IMPG1: variants seen among roughly 807,000 people sequenced by gnomAD.
The protein encoded by IMPG1 is interphotoreceptor matrix proteoglycan of 150 kDa.
IMPG1 carries 85 observed loss-of-function variants against 92.0 expected under a neutral mutation model. The ratio of observed to expected loss-of-function variants is 0.92; its 90% CI spans 0.78 to 1.11. The LOEUF is 1.11. Among genes scored for constraint, IMPG1 ranks in the 50% least tolerant of loss-of-function variants. The probability of loss-of-function intolerance (pLI) is 0.00; values close to 1 mark genes in which losing one functional copy is unlikely to be tolerated. For missense variants in IMPG1, 1,022 were observed against 956.0 expected, an observed-to-expected ratio of 1.07 and a Z score of -0.91; for synonymous variants, 367 against 334.1, an observed-to-expected ratio of 1.10 and a Z score of -1.08.
chr6:76,072,480 C>T lies in IMPG1; in HGVS notation c.9G>A (p.Leu3=). 6.3e-7 allele frequency: 1 copy of T among 1,590,322 alleles called. No homozygotes were observed. The part of the protein sequence containing the change: MY[L]ETRRAIFVFW... ...AAACAAAAATAGCTCTTCTAGTTTC[C>T]AAATACATTCTGGCTTTTGTGCATT... is the stretch of plus-strand genomic sequence containing the variant. The change falls in exon 1 of 17, where the codon TTG becomes TTA. Residue 3 remains leucine (L), a synonymous_variant. Coordinates refer to ENST00000369950, the MANE Select transcript of IMPG1 (RefSeq NM_001563.4).
At chr6:76,005,221 G>C in intron 10 of IMPG1, 66 bp downstream of exon 10, 1 of 1,498,864 alleles carries the variant, frequency 6.7e-7, no homozygotes, top group South Asian at 1.2e-5. Context: ...GTTTCCATGA[G>C]ACATTCACAT....
intron 14 of IMPG1, among the ~76,000 whole-genome samples, chr6:75,947,096 T>C (rs879197880): frequency 1.3e-5 from 2 of 152,248 alleles, no homozygotes; most frequent in Admixed American, 1.3e-4. Flanking sequence ...AGAGGTGTGC[T>C]TGTTCATTGC....
At position 76,042,051 on chromosome 6, in the gene IMPG1, G is replaced by A; in HGVS notation, c.143C>T (p.Thr48Ile). The A allele has an allele frequency of 6.2e-7, 1 of 1,611,740 alleles. No homozygotes were observed. Among genetic ancestry groups the A allele is most frequent in the Non-Finnish European group, 8.5e-7 (1 of 1,177,930 alleles). The change falls in exon 2 of 17, where the codon ACT becomes ATT. Residue 48 changes from threonine (T) to isoleucine (I), a missense_variant. Physicochemically the swap from Thr to Ile is moderately conservative, Grantham distance 89. Coordinates refer to ENST00000369950, the MANE Select transcript of IMPG1 (RefSeq NM_001563.4). ...AGTTGACATTTTGTACATTTTTTCA[G>A]TACTTTCAGTTGTTTCATTTCTTGG... ...NPPRNETTES[T>I]EKMYKMSTMR...
intron 15 of IMPG1, among the ~76,000 whole-genome samples, chr6:75,925,141 ATGTT>A (rs1292474006): frequency 2.6e-5 from 4 of 152,042 alleles, no homozygotes; most frequent in Admixed American, 6.6e-5. Context: ...GAAAAGATAA[ATGTT>A]TGAGATGATG....
chr6:75,974,451 T>TCCTTCCTTCCTC lies in IMPG1; in HGVS notation c.1292-23358_1292-23357insGAGGAAGGAAGG, dbSNP rs1224036118. On this transcript the variant is annotated intron_variant, in intron 12 of 16. Transcript: ENST00000369950. ...TTGCTTCCTTCCTTCCTTCCTTCCTTCTTTCTTCTTTCTTTCTTTCTTTTT... is the reference window on the plus strand; with the variant it reads ...TTGCTTCCTTCCTTCCTTCCTTCCTTCCTTCCTTCCTCCTTTCTTCTTTCTTTCTTTCTTTTT... 1.1e-3 allele frequency among the ~76,000 whole-genome samples: 148 copies of TCCTTCCTTCCTC among 133,132 alleles called. 2 individuals are homozygous for TCCTTCCTTCCTC. The highest frequency in any genetic ancestry group is 2.9e-3 in the South Asian group (11 of 3,840). 87.3% of individuals were successfully genotyped at this position (133,132 alleles called of 152,430 possible).
chr6:75,965,543 G>T, intron 12 of IMPG1, among the ~76,000 whole-genome samples: 1 of 147,070 alleles, frequency 6.8e-6, no homozygotes, highest in East Asian at 2.0e-4. Context: ...CTTATCTTTT[G>T]CTCATTTTCT....
chr6:76,041,822 C>A (rs1252465050), intron 2 of IMPG1, 71 bp downstream of exon 2: 7 of 1,020,318 alleles, frequency 6.9e-6, no homozygotes, highest in Non-Finnish European at 1.1e-5. Context: ...AGGCTAAAGA[C>A]AACCTATGGA....
At chr6:75,962,404 G>A (rs1782225229) in intron 12 of IMPG1, among the ~76,000 whole-genome samples, 1 of 152,048 alleles carries the variant, frequency 6.6e-6, no homozygotes, top group East Asian at 1.9e-4. Flanking sequence ...TGGGAGACAT[G>A]ACCCATCATG....
In IMPG1 at chr6:76,018,758, G is replaced by C. The variant is rs760175948; in HGVS notation, c.767C>G (p.Ser256Cys). Reference protein sequence around the residue: ...KFKAELADSQSPYYQELAGKS... With the variant: ...KFKAELADSQCPYYQELAGKS... ...TCCTGCTAGCTCCTGGTAATATGGG[G>C]ACTGGGAGTCAGCGAGCTCTGCCTT... The change falls in exon 7 of 17, where the codon TCC becomes TGC. Residue 256 changes from serine to cysteine, a missense_variant. This residue lies in a region of IMPG1 where 681 missense variants were observed against 583.6 expected (regional missense o/e 1.17). Coordinates refer to ENST00000369950, the MANE Select transcript of IMPG1 (RefSeq NM_001563.4). 1.8e-5 allele frequency: 29 copies of C among 1,613,496 alleles called. No homozygotes were observed. In the East Asian group the frequency reaches 5.1e-4, roughly 29 times the overall value.
At chr6:75,982,761 A>C (rs1782649599) in intron 12 of IMPG1, among the ~76,000 whole-genome samples, 1 of 152,060 alleles carries the variant, frequency 6.6e-6, no homozygotes, top group Non-Finnish European at 1.5e-5. Context: ...GTTTGAAGAG[A>C]AAATGTTACA....
At chr6:75,966,423 A>T (rs1052781289) in intron 12 of IMPG1, among the ~76,000 whole-genome samples, 10 of 152,096 alleles carry the variant, frequency 6.6e-5, no homozygotes, top group African/African-American at 2.4e-4. Context: ...TGATCATGCA[A>T]TTGGGTTGTT....
At chr6:76,062,061 A>G (rs1784216017) in intron 1 of IMPG1, among the ~76,000 whole-genome samples, 1 of 152,180 alleles carries the variant, frequency 6.6e-6, no homozygotes, top group Admixed American at 6.6e-5. Context: ...CTAGCACAGT[A>G]TTGGGTATAT....
intron 14 of IMPG1, among the ~76,000 whole-genome samples, chr6:75,939,049 G>C (rs1385702559): frequency 1.3e-5 from 2 of 152,020 alleles, no homozygotes; most frequent in African/African-American, 2.4e-5. Context: ...ATGTTGCCCA[G>C]GCTGGTCTTG....
At position 75,971,418 on chromosome 6, in the gene IMPG1, C is replaced by T. The variant is rs61268540; in HGVS notation, c.1292-20324G>A. Reference sequence around the variant, plus strand: ...CACCAGCATGGCACATGTATACATACGTAACTAACCTGCACATTGTGCACA... The same window carrying T: ...CACCAGCATGGCACATGTATACATATGTAACTAACCTGCACATTGTGCACA... On this transcript the variant is annotated intron_variant, in intron 12 of 16. Coordinates refer to ENST00000369950, the MANE Select transcript of IMPG1 (RefSeq NM_001563.4). 0.018 allele frequency among the ~76,000 whole-genome samples: 2,775 copies of T among 151,652 alleles called. 139 individuals carry two copies. The East Asian group carries it at 0.21, about 11-fold the overall frequency.
At chr6:75,977,212 G>T (rs1175147157) in intron 12 of IMPG1, among the ~76,000 whole-genome samples, 1 of 152,140 alleles carries the variant, frequency 6.6e-6, no homozygotes, top group Non-Finnish European at 1.5e-5. Context: ...TTATATAAAT[G>T]AGAAGACTAT....
In IMPG1 at chr6:76,037,761, A is replaced by G. The variant is rs184124042; in HGVS notation, c.302-2974T>C. Among the ~76,000 whole-genome samples, 374 of 152,328 alleles carry G rather than the reference A, an allele frequency of 2.5e-3. 6 individuals are homozygous for G. The South Asian group carries it at 0.027, about 11-fold the overall frequency. The stretch of plus-strand genomic sequence containing the variant: ...GTATAAGTGTCAGAGATACAACAAT[A>G]CATAAAATAAACTAGCACTGTCTTT... On this transcript the variant is annotated intron_variant, in intron 2 of 16. Coordinates refer to ENST00000369950, the MANE Select transcript of IMPG1 (RefSeq NM_001563.4).
chr6:75,934,457 A>C (rs1380207419), intron 14 of IMPG1, among the ~76,000 whole-genome samples: 3 of 152,154 alleles, frequency 2.0e-5, no homozygotes. Context: ...AGGTACTGAA[A>C]AGCAATCCCA....
chr6:75,932,817 C>T (rs1582050256), intron 14 of IMPG1, among the ~76,000 whole-genome samples: 1 of 152,092 alleles, frequency 6.6e-6, no homozygotes, highest in Non-Finnish European at 1.5e-5. Context: ...TCTCCTGCCT[C>T]AGCCTCTTGA....
chr6:76,031,312 G>A (rs1000084858), intron 4 of IMPG1, among the ~76,000 whole-genome samples: 2 of 152,204 alleles, frequency 1.3e-5, no homozygotes, highest in African/African-American at 4.8e-5. Flanking sequence ...AAGGCCAAGG[G>A]TAATGGCTAG....
Sources: gnomAD v4.1 joint callset for allele counts (sites outside exome capture counted in the v4.1 genomes callset) on GRCh38, gnomAD v4.1.1 for gene constraint, gnomAD v4.1.1 regional missense constraint, MANE v1.5 for transcripts, NCBI Gene and HGNC (gene_info 2026-07-23, HGNC 2026-07-21) for gene names.